The following MYO18B variants were observed in gnomAD, a reference collection of about 807,000 sequenced individuals.
MYO18B encodes the protein unconventional myosin-XVIIIb.
In MYO18B, 204 loss-of-function variants were observed where a neutral mutation model predicts 273.0. The ratio of observed to expected loss-of-function variants is 0.75; its 90% confidence interval spans 0.67 to 0.84. The LOEUF (loss-of-function observed/expected upper bound fraction) is 0.84. MYO18B is among the 40% of genes least tolerant of loss of function. MYO18B has a pLI of 0.00. For missense variants in MYO18B, 3,212 were observed against 3,287.6 expected (o/e 0.98, Z 0.56); for synonymous variants, 1,330 against 1,305.7 (o/e 1.02, Z -0.40).
At chr22:25,797,157 C>T (rs538236181) in intron 11 of MYO18B, among the ~76,000 whole-genome samples, 20 of 152,170 alleles carry the variant, frequency 1.3e-4, no homozygotes, top group South Asian at 4.2e-4. Flanking sequence ...AGCCCGGGGG[C>T]GCGGAGGTTG....
At chr22:25,844,325 G>C (rs1051604058) in intron 18 of MYO18B, among the ~76,000 whole-genome samples, 2 of 152,166 alleles carry the variant, frequency 1.3e-5, no homozygotes, top group East Asian at 3.9e-4. Context: ...GAGGCCGGCA[G>C]CATTCTCTGC....
chr22:25,974,848 T>G (rs1205316444), intron 39 of MYO18B, among the ~76,000 whole-genome samples: 1 of 152,196 alleles, frequency 6.6e-6, no homozygotes, highest in African/African-American at 2.4e-5. Flanking sequence ...ATTGGTTCAG[T>G]CCACTGTCTG....
At position 25,874,089 on chromosome 22, in the gene MYO18B, T is replaced by C. The variant is rs7285207; in HGVS notation, c.3952-197T>C. On this transcript the variant is annotated intron_variant, in intron 22 of 43. Coordinates refer to ENST00000335473, the MANE Select transcript of MYO18B (RefSeq NM_032608.7). The stretch of plus-strand genomic sequence containing the variant: ...TGGGCCACACTGAGTATCCAGGGCC[T>C]AGGGGAAGGGAGAGAGGAGCCATCA... Among the ~76,000 whole-genome samples the C allele has an allele frequency of 8.0e-3, 1,222 of 152,314 alleles. 13 individuals are homozygous for C. Among genetic ancestry groups the C allele is most frequent in the African/African-American group, 0.026 (1,065 of 41,572 alleles).
At chr22:26,051,456 A>T in the MYO18B span, among the ~76,000 whole-genome samples, 1 of 151,996 alleles carries the variant, frequency 6.6e-6, no homozygotes, top group Non-Finnish European at 1.5e-5. Context: ...ATCTCTTGTA[A>T]TTGGTCCCAT....
At chr22:25,923,121 T>A (rs1490638991) in intron 34 of MYO18B, among the ~76,000 whole-genome samples, 1 of 152,206 alleles carries the variant, frequency 6.6e-6, no homozygotes, top group African/African-American at 2.4e-5. Context: ...TAATCTGGGT[T>A]TGATGGTTTT....
At chr22:25,857,722 C>T (rs772419469) in intron 21 of MYO18B, among the ~76,000 whole-genome samples, 2 of 152,198 alleles carry the variant, frequency 1.3e-5, no homozygotes, top group African/African-American at 2.4e-5. Flanking sequence ...GGTGCTATCT[C>T]GGCTCACTGC....
rs571532175 is a variant in MYO18B at position 25,955,326 on chromosome 22, C to T, written c.6118C>T (p.Gln2040Ter). The T allele has an allele frequency of 6.2e-7, 1 of 1,613,722 alleles. No individual in the cohort carries two copies. Among genetic ancestry groups the T allele is most frequent in the East Asian group, 2.2e-5 (1 of 44,882 alleles). The change falls in exon 39 of 44, where the codon CAG becomes TAG. Residue 2040 changes from glutamine to a stop codon, truncating the protein, a stop_gained. Transcript: ENST00000335473. LOFTEE classifies it high-confidence loss of function. ...ELKADMEELV[Q>*]REAEASRRCM... is the part of the protein sequence containing the mutation. ...GAAGGCCGACATGGAAGAGCTGGTGCAGCGGGAGGCAGAGGCCAGCCGGCG... is the reference window on the plus strand; with the variant it reads ...GAAGGCCGACATGGAAGAGCTGGTGTAGCGGGAGGCAGAGGCCAGCCGGCG...
chr22:25,901,967 G>A (rs927153286), intron 29 of MYO18B, among the ~76,000 whole-genome samples: 1 of 151,732 alleles, frequency 6.6e-6, no homozygotes, highest in Non-Finnish European at 1.5e-5. Context: ...TGCATGCCAC[G>A]ATGCCCAGGT....
chr22:25,765,502 C>T (rs2086472153), intron 3 of MYO18B, among the ~76,000 whole-genome samples: 1 of 152,156 alleles, frequency 6.6e-6, no homozygotes, highest in Non-Finnish European at 1.5e-5. Context: ...TGGAATAACA[C>T]TGGAGTGGAA....
At chr22:25,871,522 C>T (rs1275756043) in intron 22 of MYO18B, among the ~76,000 whole-genome samples, 2 of 152,128 alleles carry the variant, frequency 1.3e-5, no homozygotes, top group Non-Finnish European at 2.9e-5. Context: ...AAAACCTGGG[C>T]CTTCAGCATT....
intron 42 of MYO18B, among the ~76,000 whole-genome samples, chr22:26,018,330 GGCATGGGGACA>G (rs1197923359): frequency 6.6e-6 from 1 of 152,120 alleles, no homozygotes; most frequent in Non-Finnish European, 1.5e-5. Context: ...GGAGTGGCCA[GGCATGGGGACA>G]GCATGGGGAC....
At chr22:25,800,559 A>G (rs2145774418) in intron 12 of MYO18B, among the ~76,000 whole-genome samples, 1 of 152,366 alleles carries the variant, frequency 6.6e-6, no homozygotes, top group East Asian at 1.9e-4. Flanking sequence ...GGCAGGTAGT[A>G]TAAGGTGCAT....
In MYO18B at chr22:25,847,645, T is replaced by C. The variant is rs1056696040; in HGVS notation, c.3768T>C (p.His1256=). ...GFHILEALRL[H]RTGYADHMGL... is the part of the protein sequence containing the mutation. ...ACATCCTGGAGGCTCTGCGTCTGCA[T>C]AGGACAGGTAAGAGACAGCTAGGAC... Residue 1256 remains histidine (H), a synonymous_variant, in exon 20 of 44, where the codon CAT becomes CAC. Transcript: ENST00000335473. 3.9e-6 allele frequency: 6 copies of C among 1,555,724 alleles called. No homozygotes were observed. The highest frequency in any genetic ancestry group is 1.4e-5 in the African/African-American group (1 of 73,438).
At chr22:26,057,586 C>A in the MYO18B span, among the ~76,000 whole-genome samples, 1 of 150,368 alleles carries the variant, frequency 6.7e-6, no homozygotes, top group Non-Finnish European at 1.5e-5. Context: ...TTATTCTTAA[C>A]CATGCTACAG....
intron 11 of MYO18B, among the ~76,000 whole-genome samples, chr22:25,789,222 C>T (rs2087545207): frequency 1.3e-5 from 2 of 151,952 alleles, no homozygotes; most frequent in South Asian, 4.2e-4. Flanking sequence ...CGCTACCTAG[C>T]CACTCAGTTC....
intron 28 of MYO18B, chr22:25,896,449 A>T (rs915572847): frequency 1.3e-5 from 2 of 152,084 alleles, no homozygotes; most frequent in Non-Finnish European, 2.9e-5. Context: ...ATCCTAAAGG[A>T]CACTTCTGGA....
In MYO18B at chr22:25,785,334, C is replaced by A. The variant is rs935784962; in HGVS notation, c.2313-94C>A. 1.8e-5 allele frequency: 22 copies of A among 1,228,150 alleles called. No individual in the cohort carries two copies. The African/African-American group carries it at 1.8e-4, about 10-fold the overall frequency. 76.1% of individuals were successfully genotyped at this position (1,228,150 alleles called of 1,614,324 possible). On this transcript the variant is annotated intron_variant, in intron 10 of 43. Transcript: ENST00000335473. ...AGGGACAGCCCCTGGGGTGTCCGGG[C>A]AGTTGTGTGGAGCCTCACACTGTGA...
intron 39 of MYO18B, among the ~76,000 whole-genome samples, chr22:25,968,886 G>T (rs2093006763): frequency 6.6e-6 from 1 of 152,184 alleles, no homozygotes; most frequent in Non-Finnish European, 1.5e-5. Flanking sequence ...CAAGCTTTGA[G>T]TGTGTCTCAA....
intron 38 of MYO18B, among the ~76,000 whole-genome samples, chr22:25,954,350 A>C (rs546018467): frequency 6.6e-6 from 1 of 152,290 alleles, no homozygotes; most frequent in South Asian, 2.1e-4. Flanking sequence ...ATAAATCAGG[A>C]AACAAAAACA....
Sources: gnomAD v4.1 joint callset for allele counts (sites outside exome capture counted in the v4.1 genomes callset) on GRCh38, gnomAD v4.1.1 for gene constraint, MANE v1.5 for transcripts, NCBI Gene and HGNC (gene_info 2026-07-23, HGNC 2026-07-21) for gene names.